Variants in PAK5 observed in about 807,000 individuals in gnomAD.
PAK5 encodes the protein p21 (RAC1) activated kinase 5, also known as serine/threonine-protein kinase PAK 5.
In PAK5, 16 loss-of-function variants were observed where a neutral mutation model predicts 65.9. The observed-to-expected ratio is 0.24, with a 90% CI of 0.16 to 0.37. The LOEUF (loss-of-function observed/expected upper bound fraction) is 0.37, where lower values mean the gene tolerates loss of function less well. PAK5 is among the 10% of genes least tolerant of loss of function. PAK5 has a pLI of 1.00. For missense variants in PAK5, 785 were observed against 903.9 expected (o/e 0.87, Z 1.69); for synonymous variants, 371 against 354.9 (o/e 1.05, Z -0.51).
At chr20:9,750,707 G>C (rs894275756) in intron 1 of PAK5, among the ~76,000 whole-genome samples, 1 of 152,092 alleles carries the variant, frequency 6.6e-6, no homozygotes, top group African/African-American at 2.4e-5. Context: ...AGCAGCAGTA[G>C]ATTCTATGAC....
intron 3 of PAK5, among the ~76,000 whole-genome samples, chr20:9,596,786 C>T (rs2046277652): frequency 6.6e-6 from 1 of 152,068 alleles, no homozygotes. Flanking sequence ...TTTTAAACCT[C>T]TCCCAGGCAA....
At chr20:9,661,734 C>T (rs1014202813) in intron 2 of PAK5, among the ~76,000 whole-genome samples, 5 of 152,006 alleles carry the variant, frequency 3.3e-5, no homozygotes, top group Non-Finnish European at 7.4e-5. Context: ...TTTTAGAATG[C>T]CTTCATTCTA....
At chr20:9,648,013 T>C (rs1465935815) in intron 2 of PAK5, among the ~76,000 whole-genome samples, 1 of 152,154 alleles carries the variant, frequency 6.6e-6, no homozygotes. Context: ...TTCTTCTCTC[T>C]GATGTGCTCA....
intron 9 of PAK5, among the ~76,000 whole-genome samples, chr20:9,540,636 T>G (rs1040129060): frequency 3.3e-5 from 5 of 152,246 alleles, no homozygotes; most frequent in Non-Finnish European, 7.3e-5. Context: ...TTTCCAGTTT[T>G]TTTGAAACCA....
At chr20:9,623,263 A>G (rs2046797105) in intron 3 of PAK5, among the ~76,000 whole-genome samples, 1 of 152,158 alleles carries the variant, frequency 6.6e-6, no homozygotes. Context: ...GTTGAAAAAT[A>G]TAGTAAAAAG....
intron 2 of PAK5, among the ~76,000 whole-genome samples, chr20:9,703,751 C>G (rs548225059): frequency 3.9e-5 from 6 of 152,112 alleles, no homozygotes; most frequent in Non-Finnish European, 7.4e-5. Context: ...ATATATCCCC[C>G]CCTCCACTCT....
chr20:9,683,603 A>G (rs1313718966), intron 2 of PAK5, among the ~76,000 whole-genome samples: 1 of 152,182 alleles, frequency 6.6e-6, no homozygotes, highest in Non-Finnish European at 1.5e-5. Context: ...CTGGGCATAT[A>G]GTGGATTATG....
At chr20:9,541,532 C>T (rs1413639533) in intron 9 of PAK5, among the ~76,000 whole-genome samples, 1 of 152,194 alleles carries the variant, frequency 6.6e-6, no homozygotes, top group African/African-American at 2.4e-5. Context: ...TTTACTCCAG[C>T]AATGTAAGCC....
intron 4 of PAK5, among the ~76,000 whole-genome samples, chr20:9,571,369 G>A (rs181096496): frequency 8.5e-5 from 13 of 152,284 alleles, no homozygotes; most frequent in African/African-American, 3.1e-4. Flanking sequence ...TGGGAATCAA[G>A]CAGGGGGCAA....
chr20:9,730,369 C>T (rs2048323741), intron 1 of PAK5, among the ~76,000 whole-genome samples: 1 of 152,080 alleles, frequency 6.6e-6, no homozygotes, highest in South Asian at 2.1e-4. Flanking sequence ...GAGGATGTTT[C>T]AACTTATTAG....
Position 9,537,762 on chromosome 20 carries a change from A to G in PAK5, c.*1700T>C, listed in dbSNP as rs1379711748. On this transcript the variant is annotated 3_prime_UTR_variant, in exon 10 of 10. Coordinates refer to ENST00000353224, the MANE Select transcript of PAK5 (RefSeq NM_177990.4). The stretch of plus-strand genomic sequence containing the variant: ...ATATTAATGCTTTAATATTTTACAT[A>G]AAACATTGATTTGCTGTTTTATGAA... The G allele has an allele frequency of 1.8e-5, 4 of 221,682 alleles. No individual in the cohort carries two copies. The highest frequency in any genetic ancestry group is 9.0e-5 in the African/African-American group (4 of 44,558). The allele number at this position is 221,682 out of a possible 1,614,324, so 13.7% of individuals were successfully genotyped here. A position where few individuals can be genotyped will look rare whatever the true frequency, so the allele number is the denominator to read the frequency against.
intron 4 of PAK5, chr20:9,575,772 G>T (rs1373004662): frequency 6.6e-6 from 1 of 152,160 alleles, no homozygotes; most frequent in Non-Finnish European, 1.5e-5. Context: ...TTGTGTCTGG[G>T]CCTGGAGACT....
intron 9 of PAK5, 54 bp from the exon 10 acceptor site, chr20:9,539,671 T>A: frequency 6.8e-7 from 1 of 1,469,778 alleles, no homozygotes; most frequent in East Asian, 2.3e-5. Flanking sequence ...CCTAACCCAG[T>A]CCCCAAAATG....
intron 4 of PAK5, among the ~76,000 whole-genome samples, chr20:9,578,538 C>A (rs1011755635): frequency 6.6e-6 from 1 of 152,124 alleles, no homozygotes; most frequent in Non-Finnish European, 1.5e-5. Flanking sequence ...CCAAACAACT[C>A]CCTAACACAA....
At chr20:9,600,595 A>G (rs1000377991) in intron 3 of PAK5, among the ~76,000 whole-genome samples, 2 of 152,362 alleles carry the variant, frequency 1.3e-5, no homozygotes, top group East Asian at 3.9e-4. Context: ...TATTTGTCAT[A>G]ATAGATAACC....
At chr20:9,574,363 A>AT (rs973726605) in intron 4 of PAK5, among the ~76,000 whole-genome samples, 45 of 152,276 alleles carry the variant, frequency 3.0e-4, no homozygotes, top group African/African-American at 1.1e-3. Context: ...CTGAATTGGC[A>AT]TATCCAATTA....
At chr20:9,646,056 G>A (rs1287348344) in intron 2 of PAK5, among the ~76,000 whole-genome samples, 4 of 152,312 alleles carry the variant, frequency 2.6e-5, no homozygotes, top group Middle Eastern at 3.4e-3. Flanking sequence ...CTATAGTAGG[G>A]CTCACAAAAT....
chr20:9,827,633 T>G (rs1488965282), intron 1 of PAK5, among the ~76,000 whole-genome samples: 22 of 138,284 alleles, frequency 1.6e-4, no homozygotes, highest in African/African-American at 2.5e-4. Flanking sequence ...AGGGGGAGGG[T>G]GGGGGAATGT....
intron 3 of PAK5, among the ~76,000 whole-genome samples, chr20:9,607,251 A>G (rs924834239): frequency 1.3e-5 from 2 of 152,206 alleles, no homozygotes; most frequent in Non-Finnish European, 2.9e-5. Flanking sequence ...AAGGTGCATC[A>G]CCTGAACCTG....
Sources: gnomAD v4.1 joint callset for allele counts (sites outside exome capture counted in the v4.1 genomes callset) on GRCh38, gnomAD v4.1.1 for gene constraint, MANE v1.5 for transcripts, NCBI Gene and HGNC (gene_info 2026-07-23, HGNC 2026-07-21) for gene names.